Variants in ARHGAP24 observed in about 807,000 individuals in gnomAD.
ARHGAP24 encodes the protein rho GTPase-activating protein 24.
ARHGAP24 carries 50 observed loss-of-function variants against 76.4 expected under a neutral mutation model. That is an observed-to-expected ratio of 0.65 (90% CI 0.52 to 0.83). The LOEUF (loss-of-function observed/expected upper bound fraction) is 0.83, where lower values mean the gene tolerates loss of function less well. Among genes scored for constraint, ARHGAP24 ranks in the 40% least tolerant of loss-of-function variants. ARHGAP24 has a pLI of 0.00. For missense variants in ARHGAP24, 930 were observed against 914.2 expected, an observed-to-expected ratio of 1.02 and a Z score of -0.22; for synonymous variants, 345 against 323.3, an observed-to-expected ratio of 1.07 and a Z score of -0.72.
intron 2 of ARHGAP24, among the ~76,000 whole-genome samples, chr4:85,659,528 T>C (rs1722301910): frequency 6.6e-6 from 1 of 152,136 alleles, no homozygotes. Context: ...TCAACATATA[T>C]AAAAAAGTAT....
intron 2 of ARHGAP24, among the ~76,000 whole-genome samples, chr4:85,710,765 G>A (rs11735639): frequency 3.3e-5 from 5 of 151,894 alleles, no homozygotes; most frequent in African/African-American, 1.2e-4. Flanking sequence ...ATGGGACACC[G>A]TCTCATACCA....
intron 4 of ARHGAP24, among the ~76,000 whole-genome samples, chr4:85,937,002 G>C (rs923829644): frequency 2.0e-5 from 3 of 152,170 alleles, no homozygotes; most frequent in African/African-American, 7.2e-5. Context: ...AGATCAGCTT[G>C]TGGGGATTTT....
chr4:85,661,013 T>C (rs547129539), intron 2 of ARHGAP24, among the ~76,000 whole-genome samples: 2 of 152,316 alleles, frequency 1.3e-5, no homozygotes, highest in African/African-American at 4.8e-5. Context: ...TCTTATTTCT[T>C]ACTAAGATAT....
At chr4:85,872,494 C>A (rs148116147) in intron 3 of ARHGAP24, among the ~76,000 whole-genome samples, 7,360 of 151,450 alleles carry the variant, frequency 0.049, 492 homozygotes, top group African/African-American at 0.15. Flanking sequence ...CAGGGTTTCA[C>A]CATGTTGGCC....
At chr4:85,805,886 G>A (rs191432845) in intron 3 of ARHGAP24, among the ~76,000 whole-genome samples, 5 of 152,190 alleles carry the variant, frequency 3.3e-5, no homozygotes, top group East Asian at 3.9e-4. Flanking sequence ...AATCAGGATC[G>A]TCTCTCTAGA....
chr4:85,985,431 T>C (rs1488207698), intron 8 of ARHGAP24, among the ~76,000 whole-genome samples: 2 of 152,000 alleles, frequency 1.3e-5, no homozygotes, highest in African/African-American at 4.8e-5. Flanking sequence ...TGCTAAAGGA[T>C]GAGAACACAT....
chr4:85,911,826 A>G (rs182394022), intron 3 of ARHGAP24, among the ~76,000 whole-genome samples: 2 of 152,326 alleles, frequency 1.3e-5, no homozygotes, highest in Non-Finnish European at 2.9e-5. Context: ...TCAGATTTTT[A>G]TCCACTTACT....
At chr4:85,930,128 C>T in intron 4 of ARHGAP24, 1 of 602,914 alleles carries the variant, frequency 1.7e-6, no homozygotes, top group Non-Finnish European at 2.1e-6. Flanking sequence ...GCAGCCCTGC[C>T]AGCTCCCTCC....
At chr4:85,587,497 T>G (rs561190457) in intron 2 of ARHGAP24, among the ~76,000 whole-genome samples, 1 of 152,340 alleles carries the variant, frequency 6.6e-6, no homozygotes, top group South Asian at 2.1e-4. Flanking sequence ...ATTTTATTAG[T>G]ATTTTAGTTT....
intron 3 of ARHGAP24, among the ~76,000 whole-genome samples, chr4:85,837,834 A>T (rs1730372324): frequency 6.6e-6 from 1 of 152,156 alleles, no homozygotes; most frequent in African/African-American, 2.4e-5. Context: ...TGTAACTGAT[A>T]ATTAGAGAAT....
At chr4:85,700,405 A>T (rs962862486) in intron 2 of ARHGAP24, among the ~76,000 whole-genome samples, 3 of 85,642 alleles carry the variant, frequency 3.5e-5, no homozygotes, top group African/African-American at 8.7e-5. Flanking sequence ...AAAAAAAAAA[A>T]AATAAATAAA....
intron 3 of ARHGAP24, among the ~76,000 whole-genome samples, chr4:85,889,900 C>T (rs1174362032): frequency 6.6e-6 from 1 of 152,158 alleles, no homozygotes; most frequent in Non-Finnish European, 1.5e-5. Flanking sequence ...TATTGACCCT[C>T]CAAGACTTTT....
At chr4:85,815,421 G>A (rs2110117409) in intron 3 of ARHGAP24, among the ~76,000 whole-genome samples, 1 of 152,228 alleles carries the variant, frequency 6.6e-6, no homozygotes, top group South Asian at 2.1e-4. Flanking sequence ...TGAATGCTTT[G>A]CTGCTTAGAA....
chr4:85,724,491 GTATA>G (rs60930279), intron 3 of ARHGAP24, among the ~76,000 whole-genome samples: 651 of 10,566 alleles, frequency 0.062, 6 homozygotes, highest in African/African-American at 0.073. Context: ...TTCCATGTGT[GTATA>G]TATATATATA....
At chr4:85,628,228 A>G (rs1282516373) in intron 2 of ARHGAP24, among the ~76,000 whole-genome samples, 1 of 151,626 alleles carries the variant, frequency 6.6e-6, no homozygotes, top group Non-Finnish European at 1.5e-5. Flanking sequence ...CCTCCCCCTT[A>G]ATTTCTTCTT....
At chr4:85,864,660 G>C (rs1011668933) in intron 3 of ARHGAP24, among the ~76,000 whole-genome samples, 1 of 151,824 alleles carries the variant, frequency 6.6e-6, no homozygotes, top group African/African-American at 2.4e-5. Flanking sequence ...TAGGGAGTGG[G>C]TGAGGCAGAA....
Position 85,636,005 on chromosome 4 carries a change from G to T in ARHGAP24, c.180+65284G>T, listed in dbSNP as rs191810737. On this transcript the variant is annotated intron_variant, in intron 2 of 9. Transcript: ENST00000395184. ...TTCCTTCTTTAGATTCTGTAATATT[G>T]CATAGCCAATTATTTACTCTATAAA... Among the ~76,000 whole-genome samples, 609 of 149,704 alleles carry T rather than the reference G, an allele frequency of 4.1e-3. 4 individuals are homozygous for T. Among genetic ancestry groups the T allele is most frequent in the Middle Eastern group, 6.8e-3 (2 of 294 alleles).
At chr4:85,914,965 A>G (rs1560714729) in intron 3 of ARHGAP24, among the ~76,000 whole-genome samples, 1 of 152,194 alleles carries the variant, frequency 6.6e-6, no homozygotes, top group Non-Finnish European at 1.5e-5. Flanking sequence ...TGAATCTCCC[A>G]ACCTAAACCA....
At chr4:85,495,341 ATTTTTT>A (rs35138716) in intron 1 of ARHGAP24, among the ~76,000 whole-genome samples, 177 of 53,110 alleles carry the variant, frequency 3.3e-3, no homozygotes, top group African/African-American at 0.01. Flanking sequence ...GAAGTACAGA[ATTTTTT>A]TTTTTTTTTT....
Sources: allele counts gnomAD v4.1 joint callset (sites outside exome capture counted in the v4.1 genomes callset), GRCh38; gene constraint gnomAD v4.1.1; transcripts MANE v1.5; gene names NCBI Gene and HGNC (gene_info 2026-07-23, HGNC 2026-07-21).